The following SH3BGRL2 variants were observed in gnomAD, a reference collection of about 807,000 sequenced individuals.
SH3BGRL2 encodes the protein SH3 domain binding glutamate rich protein like 2.
Under a neutral mutation model 14.8 loss-of-function variants are expected in SH3BGRL2, and 21 were observed. The ratio of observed to expected loss-of-function variants is 1.42; its 90% CI spans 1.01 to 2.05. The LOEUF is 2.05. Ranked by LOEUF, SH3BGRL2 falls within the 30% of genes most tolerant of loss-of-function variation. The pLI is 0.00. For missense variants in SH3BGRL2, 147 were observed against 130.8 expected, an observed-to-expected ratio of 1.12 and a Z score of -0.61; for synonymous variants, 50 against 47.8, an observed-to-expected ratio of 1.05 and a Z score of -0.19.
At chr6:79,688,180 T>A (rs1770139220) in intron 2 of SH3BGRL2, among the ~76,000 whole-genome samples, 1 of 150,324 alleles carries the variant, frequency 6.7e-6, no homozygotes, top group Non-Finnish European at 1.5e-5. Flanking sequence ...TAAACAGAAG[T>A]ATAGGTGATG....
At chr6:79,540,102 T>A in the SH3BGRL2 span, among the ~76,000 whole-genome samples, 1 of 152,146 alleles carries the variant, frequency 6.6e-6, no homozygotes, top group Non-Finnish European at 1.5e-5. Flanking sequence ...GCTGCATGTT[T>A]AAGAGAAATC....
intron 1 of SH3BGRL2, among the ~76,000 whole-genome samples, chr6:79,634,169 T>C (rs1365998688): frequency 6.6e-6 from 1 of 152,216 alleles, no homozygotes; most frequent in Non-Finnish European, 1.5e-5. Flanking sequence ...AAACAATCTA[T>C]TTAGAGAAAA....
At chr6:79,574,114 G>A in the SH3BGRL2 span, 1 of 152,202 alleles carries the variant, frequency 6.6e-6, no homozygotes, top group Non-Finnish European at 1.5e-5. Context: ...ATTCATGCTT[G>A]CAGAGCACAT....
chr6:79,561,353 G>T, the SH3BGRL2 span: 4 of 152,074 alleles, frequency 2.6e-5, no homozygotes, highest in Non-Finnish European at 1.5e-5. Context: ...GGTGTATTTT[G>T]TGTACGTGTT....
chr6:79,549,892 G>A, the SH3BGRL2 span, among the ~76,000 whole-genome samples: 1 of 152,126 alleles, frequency 6.6e-6, no homozygotes, highest in African/African-American at 2.4e-5. Flanking sequence ...ATTATCTGTA[G>A]GGGTAAGGAG....
At chr6:79,572,413 C>T in the SH3BGRL2 span, among the ~76,000 whole-genome samples, 1 of 151,992 alleles carries the variant, frequency 6.6e-6, no homozygotes, top group Admixed American at 6.5e-5. Flanking sequence ...TACATTTCTA[C>T]CAATTTTATG....
chr6:79,541,254 A>G, the SH3BGRL2 span, among the ~76,000 whole-genome samples: 1 of 152,040 alleles, frequency 6.6e-6, no homozygotes, highest in Non-Finnish European at 1.5e-5. Flanking sequence ...CTCAGTCTCA[A>G]AAAAAAAGAA....
intron 1 of SH3BGRL2, among the ~76,000 whole-genome samples, chr6:79,646,709 C>G (rs1026456692): frequency 6.6e-6 from 1 of 152,228 alleles, no homozygotes; most frequent in African/African-American, 2.4e-5. Context: ...TCACCTCCCT[C>G]TAGCTCCTGG....
chr6:79,624,988 T>C, the SH3BGRL2 span, among the ~76,000 whole-genome samples: 3 of 151,932 alleles, frequency 2.0e-5, no homozygotes, highest in East Asian at 1.9e-4. Context: ...CCAGGCAACA[T>C]AGACTCCGTG....
chr6:79,662,641 C>T (rs184383798), intron 1 of SH3BGRL2, among the ~76,000 whole-genome samples: 6 of 152,196 alleles, frequency 3.9e-5, no homozygotes, highest in Admixed American at 6.5e-5. Context: ...TTGCTCTTCT[C>T]GGGAGTATCT....
At chr6:79,615,832 C>CTTT in the SH3BGRL2 span, among the ~76,000 whole-genome samples, 1,044 of 109,186 alleles carry the variant, frequency 9.6e-3, 29 homozygotes, top group African/African-American at 0.032. Flanking sequence ...TTTTTTCTTT[C>CTTT]TTTTTTTTTT....
intron 2 of SH3BGRL2, among the ~76,000 whole-genome samples, chr6:79,687,747 T>A (rs1018216093): frequency 3.3e-5 from 5 of 152,236 alleles, no homozygotes; most frequent in African/African-American, 1.2e-4. Context: ...AAAAAATTGC[T>A]TTTTAAAAAA....
At chr6:79,566,646 T>C in the SH3BGRL2 span, among the ~76,000 whole-genome samples, 1 of 152,132 alleles carries the variant, frequency 6.6e-6, no homozygotes, top group Non-Finnish European at 1.5e-5. Flanking sequence ...TTTTCCATAA[T>C]ATCTAGAACA....
chr6:79,659,570 G>C (rs553738140), intron 1 of SH3BGRL2, among the ~76,000 whole-genome samples: 22 of 152,266 alleles, frequency 1.4e-4, no homozygotes, highest in Non-Finnish European at 2.8e-4. Context: ...GTCAGGTAGC[G>C]TGATGCCTCC....
chr6:79,578,957 A>G, the SH3BGRL2 span, among the ~76,000 whole-genome samples: 1 of 152,316 alleles, frequency 6.6e-6, no homozygotes, highest in African/African-American at 2.4e-5. Context: ...AAGACCTTAA[A>G]TGACCTGATG....
chr6:79,696,427 A>G (rs1361798453), intron 2 of SH3BGRL2, 58 bp from the exon 3 acceptor site: 12 of 1,276,194 alleles, frequency 9.4e-6, no homozygotes, highest in East Asian at 4.9e-5. Context: ...CAAAGTACCA[A>G]ATATAAAGAT....
chr6:79,650,087 TG>T (rs1460129624), intron 1 of SH3BGRL2, among the ~76,000 whole-genome samples: 1 of 152,040 alleles, frequency 6.6e-6, no homozygotes, highest in Non-Finnish European at 1.5e-5. Flanking sequence ...GAGAATTATA[TG>T]GCTGAAGATA....
intron 1 of SH3BGRL2, among the ~76,000 whole-genome samples, chr6:79,661,626 T>G (rs900252456): frequency 3.3e-5 from 5 of 152,084 alleles, no homozygotes; most frequent in Non-Finnish European, 4.4e-5. Flanking sequence ...GGGTGAAGAG[T>G]TCTGTAGATG....
chr6:79,557,106 T>C, the SH3BGRL2 span, among the ~76,000 whole-genome samples: 5 of 151,964 alleles, frequency 3.3e-5, no homozygotes, highest in African/African-American at 1.2e-4. Flanking sequence ...AAACGTCAAT[T>C]TATATTTCTT....
Sources: gnomAD v4.1 joint callset for allele counts (sites outside exome capture counted in the v4.1 genomes callset) on GRCh38, gnomAD v4.1.1 for gene constraint, MANE v1.5 for transcripts, NCBI Gene and HGNC (gene_info 2026-07-23, HGNC 2026-07-21) for gene names.